SYNE1: variants seen among roughly 807,000 people sequenced by gnomAD.
SYNE1 encodes nesprin-1.
In SYNE1, 616 loss-of-function variants were observed where a neutral mutation model predicts 1,111.0. The observed-to-expected ratio is 0.55, with a 90% confidence interval of 0.52 to 0.59. The LOEUF is 0.59. Among genes scored for constraint, SYNE1 ranks in the 20% least tolerant of loss-of-function variants. The pLI is 0.00. For synonymous variants in SYNE1, 3,855 were observed against 3,825.8 expected (o/e 1.01, Z -0.28); for missense variants, 10,006 against 10,417.0 (o/e 0.96, Z 1.72).
intron 37 of SYNE1, 110 bp downstream of exon 37, chr6:152,428,095 C>A: frequency 6.9e-7 from 1 of 1,452,344 alleles, no homozygotes; most frequent in South Asian, 1.1e-5. Flanking sequence ...AGTAGACCCA[C>A]AAGTTCACGT....
chr6:152,223,887 G>A (rs1446608366), intron 117 of SYNE1, among the ~76,000 whole-genome samples: 1 of 152,158 alleles, frequency 6.6e-6, no homozygotes, highest in African/African-American at 2.4e-5. Context: ...AGGAGAGTGG[G>A]GGCAGCAGGA....
chr6:152,504,934 C>T (rs545315421), intron 9 of SYNE1, among the ~76,000 whole-genome samples: 1 of 152,276 alleles, frequency 6.6e-6, no homozygotes, highest in Admixed American at 6.5e-5. Flanking sequence ...AACTTTCATT[C>T]CACCCTTAAG....
chr6:152,234,870 A>C (rs1314206348), intron 110 of SYNE1, 70 bp from the exon 111 acceptor site: 6 of 1,539,694 alleles, frequency 3.9e-6, no homozygotes, highest in Non-Finnish European at 4.5e-6. Context: ...TACGTTACTC[A>C]CCAATGCCAA....
chr6:152,254,118 T>G (rs540975721), intron 104 of SYNE1, among the ~76,000 whole-genome samples: 3 of 151,588 alleles, frequency 2.0e-5, no homozygotes, highest in Non-Finnish European at 4.4e-5. Context: ...GTCTGAGGAG[T>G]TAGGACTGGA....
At position 152,133,471 on chromosome 6, in the gene SYNE1, C is replaced by G; in HGVS notation, c.25806G>C (p.Leu8602=). ...AGGCTACTCTGAGTTGGGATTCCAA[C>G]AGCTCATGCTTTATTTGCTATGCAT... is the stretch of plus-strand genomic sequence containing the variant. The part of the protein sequence containing the change: ...HKQLMQIKHE[L]LESQLRVASL... Residue 8602 remains leucine, a synonymous_variant, in exon 143 of 146, where the codon CTG becomes CTC. Coordinates refer to ENST00000367255, the MANE Select transcript of SYNE1 (RefSeq NM_182961.4). 1 of 1,614,222 alleles carries G rather than the reference C, an allele frequency of 6.2e-7. No individual in the cohort carries two copies. The highest frequency in any genetic ancestry group is 8.5e-7 in the Non-Finnish European group (1 of 1,180,036).
At chr6:152,301,744 G>A in intron 92 of SYNE1, 125 bp downstream of exon 92, 2 of 1,045,870 alleles carry the variant, frequency 1.9e-6, no homozygotes, top group Non-Finnish European at 2.7e-6. Context: ...TAAGGAATCT[G>A]TTCCTCCCTC....
rs1305850982 is a variant in SYNE1, at chr6:152,500,940, G to A, written c.888+1693C>T. On this transcript the variant is annotated intron_variant, in intron 10 of 145. Transcript: ENST00000367255. ...CACTCCAGCCTGGGTGACAGAGTGA[G>A]ACTCCATCTCAAAAAAAAAAAAAAA... is the stretch of plus-strand genomic sequence containing the variant. Among the ~76,000 whole-genome samples the A allele has an allele frequency of 1.2e-4, 16 of 138,432 alleles. 1 individual carries two copies. The highest frequency in any genetic ancestry group is 4.5e-4 in the African/African-American group (16 of 35,668). 90.8% of individuals were successfully genotyped at this position (138,432 alleles called of 152,430 possible).
intron 140 of SYNE1, among the ~76,000 whole-genome samples, chr6:152,138,087 T>C (rs1485094235): frequency 6.6e-6 from 1 of 152,184 alleles, no homozygotes; most frequent in Non-Finnish European, 1.5e-5. Flanking sequence ...ATGCAGCCAT[T>C]GTAAATCTCT....
intron 3 of SYNE1, among the ~76,000 whole-genome samples, chr6:152,625,869 T>C (rs2099684636): frequency 6.6e-6 from 1 of 152,190 alleles, no homozygotes. Context: ...ACAGCATTTA[T>C]AATTTTTAAA....
chr6:152,139,756 A>AGG (rs1227363282), intron 140 of SYNE1, among the ~76,000 whole-genome samples, 194 bp downstream of exon 140: 27 of 143,582 alleles, frequency 1.9e-4, no homozygotes, highest in South Asian at 9.1e-4. Context: ...AAAGAAAAGA[A>AGG]AAAAAAGAAA....
chr6:152,272,458 T>A (rs2093286224), intron 98 of SYNE1, among the ~76,000 whole-genome samples: 1 of 152,222 alleles, frequency 6.6e-6, no homozygotes, highest in South Asian at 2.1e-4. Context: ...TGGGCAGTGC[T>A]AAACATTACA....
At chr6:152,632,785 T>C (rs1402265672) in intron 2 of SYNE1, among the ~76,000 whole-genome samples, 3 of 152,234 alleles carry the variant, frequency 2.0e-5, no homozygotes, top group African/African-American at 7.2e-5. Context: ...CCTGCTTAAA[T>C]TAATTTTTTT....
chr6:152,238,900 ATT>A (rs113859424), intron 108 of SYNE1, among the ~76,000 whole-genome samples: 11 of 140,686 alleles, frequency 7.8e-5, no homozygotes, highest in Admixed American at 7.2e-5. Flanking sequence ...TTTTACTTTC[ATT>A]TTTTTTTTTT....
At chr6:152,387,962 A>C (rs2097549221) in intron 53 of SYNE1, among the ~76,000 whole-genome samples, 1 of 152,176 alleles carries the variant, frequency 6.6e-6, no homozygotes. Flanking sequence ...TCACAAATAT[A>C]ATAGCTTTCT....
Position 152,584,013 on chromosome 6 carries a change from CT to C in SYNE1, c.68-43993del, listed in dbSNP as rs577420817. Among the ~76,000 whole-genome samples, 582 of 152,310 alleles carry C rather than the reference CT, an allele frequency of 3.8e-3. 4 individuals are homozygous for C. The highest frequency in any genetic ancestry group is 0.013 in the African/African-American group (528 of 41,558). On this transcript the variant is annotated intron_variant, in intron 3 of 145. Transcript: ENST00000367255. ...GCAATGTATAGGAAGGCATTATTGC[CT>C]GGGGGTTATGAACAGAAGCTCTGGT...
Position 152,124,135 on chromosome 6 carries a change from C to G in SYNE1, c.26154-1459G>C, listed in dbSNP as rs569702219. Among the ~76,000 whole-genome samples, 10 of 152,160 alleles carry G rather than the reference C, an allele frequency of 6.6e-5. No individual in the cohort carries two copies. The East Asian group carries it at 1.9e-3, about 29-fold the overall frequency. ...GGCCAGGAGTTCAAGCCAGCCTGGC[C>G]AACATGGTAAAAATACAAAAATTAG... On this transcript the variant is annotated intron_variant, in intron 145 of 145. Transcript: ENST00000367255.
Position 152,387,533 on chromosome 6 carries a change from C to T in SYNE1, c.8178-152G>A, listed in dbSNP as rs1372766848. ...CTTTTGAGTGCAGGGAGAAACACTA[C>T]TTCTCTGATCCATAAGATCCTTACC... is the stretch of plus-strand genomic sequence containing the variant. On this transcript the variant is annotated intron_variant, in intron 53 of 145. Transcript: ENST00000367255. 6 of 728,108 alleles carry T rather than the reference C, an allele frequency of 8.2e-6. No homozygotes were observed. The African/African-American group carries it at 1.1e-4, about 13-fold the overall frequency. 45.1% of individuals were successfully genotyped at this position (728,108 alleles called of 1,614,324 possible).
In SYNE1 at chr6:152,121,724, T is replaced by C. The variant is rs996809585; in HGVS notation, c.*712A>G. 3.3e-5 allele frequency: 5 copies of C among 152,416 alleles called. No homozygotes were observed. The highest frequency in any genetic ancestry group is 7.3e-5 in the African/African-American group (3 of 41,370). 9.4% of individuals were successfully genotyped at this position (152,416 alleles called of 1,614,324 possible). ...TCTATAATAAATGCAAAGAAATCAATACAAACAAAACTTGGCTTTAGCAAA... is the reference window on the plus strand; with the variant it reads ...TCTATAATAAATGCAAAGAAATCAACACAAACAAAACTTGGCTTTAGCAAA... On this transcript the variant is annotated 3_prime_UTR_variant, in exon 146 of 146. Coordinates refer to ENST00000367255, the MANE Select transcript of SYNE1 (RefSeq NM_182961.4).
At chr6:152,125,216 T>C in intron 145 of SYNE1, 1 of 1,534,410 alleles carries the variant, frequency 6.5e-7, no homozygotes, top group South Asian at 1.2e-5. Context: ...TTTTGCTGGT[T>C]GGTGATAGGA....
Sources: gnomAD v4.1 joint callset for allele counts (sites outside exome capture counted in the v4.1 genomes callset) on GRCh38, gnomAD v4.1.1 for gene constraint, MANE v1.5 for transcripts, NCBI Gene and HGNC (gene_info 2026-07-23, HGNC 2026-07-21) for gene names.